The following NUP54 variants were observed in gnomAD, a reference collection of about 807,000 sequenced individuals.
NUP54 encodes nucleoporin p54.
NUP54 carries 27 observed loss-of-function variants against 66.4 expected under a neutral mutation model. The ratio of observed to expected loss-of-function variants is 0.41; its 90% CI spans 0.30 to 0.56. The LOEUF is 0.56. Ranked by LOEUF, NUP54 falls within the 20% of genes least tolerant of loss-of-function variation. The probability of loss-of-function intolerance (pLI) is 0.34; values close to 1 mark genes in which losing one functional copy is unlikely to be tolerated. For missense variants in NUP54, 486 were observed against 596.3 expected (o/e 0.82, Z 1.93); for synonymous variants, 206 against 210.7 (o/e 0.98, Z 0.19).
intron 3 of NUP54, among the ~76,000 whole-genome samples, chr4:76,140,130 T>C (rs966869773): frequency 6.6e-6 from 1 of 151,970 alleles, no homozygotes; most frequent in Non-Finnish European, 1.5e-5. Flanking sequence ...GGAGTACAGC[T>C]AGAATAATCA....
intron 6 of NUP54, 99 bp from the exon 7 acceptor site, chr4:76,131,383 C>A: frequency 3.3e-6 from 2 of 611,122 alleles, no homozygotes; most frequent in South Asian, 2.5e-5. Context: ...TACCTAGAAG[C>A]TATAATGAAA....
chr4:76,137,906 CTG>C (rs1256067330), intron 3 of NUP54, among the ~76,000 whole-genome samples: 1 of 152,278 alleles, frequency 6.6e-6, no homozygotes, highest in African/African-American at 2.4e-5. Context: ...TTTAAAATAA[CTG>C]TATTTCGTGT....
chr4:76,129,626 G>A (rs1730690941), intron 8 of NUP54, among the ~76,000 whole-genome samples: 3 of 152,150 alleles, frequency 2.0e-5, no homozygotes, highest in Admixed American at 6.5e-5. Flanking sequence ...GCACTTTCGG[G>A]AGGCCGAGAT....
chr4:76,126,707 A>T (rs1213561848), intron 8 of NUP54, among the ~76,000 whole-genome samples: 1 of 152,208 alleles, frequency 6.6e-6, no homozygotes, highest in Non-Finnish European at 1.5e-5. Context: ...TTTAAAAGGG[A>T]ATATTTTAAA....
Position 76,115,500 on chromosome 4 carries a change from A to C in NUP54, c.1396-6T>G, listed in dbSNP as rs766341696. ...TCCTGTTGTTGTTTCAAATGCTAGA[A>C]CAAATTAAGAAACAACATATTAATG... On this transcript the variant is annotated splice_polypyrimidine_tract_variant and splice_region_variant and intron_variant, in intron 11 of 11. Transcript: ENST00000264883. 2 of 1,588,812 alleles carry C rather than the reference A, an allele frequency of 1.3e-6. No individual in the cohort carries two copies. The highest frequency in any genetic ancestry group is 1.7e-6 in the Non-Finnish European group (2 of 1,171,452).
chr4:76,130,248 G>A (rs1421193063), intron 8 of NUP54, among the ~76,000 whole-genome samples: 1 of 151,918 alleles, frequency 6.6e-6, no homozygotes, highest in Non-Finnish European at 1.5e-5. Flanking sequence ...TCCTAAAAAA[G>A]TCTACTTTAT....
chr4:76,148,173 G>A, intron 1 of NUP54, 135 bp downstream of exon 1: 2 of 696,716 alleles, frequency 2.9e-6, no homozygotes, highest in Non-Finnish European at 4.2e-6. Context: ...GCCGCCGCCC[G>A]CCCTTTTCCA....
intron 9 of NUP54, among the ~76,000 whole-genome samples, chr4:76,123,508 C>CTTT (rs529829145): frequency 6.7e-6 from 1 of 149,442 alleles, no homozygotes. Flanking sequence ...GCAGCATCTT[C>CTTT]TTTTTTTTTT....
At chr4:76,119,662 GC>G (rs1016398882) in intron 9 of NUP54, among the ~76,000 whole-genome samples, 1 of 151,964 alleles carries the variant, frequency 6.6e-6, no homozygotes, top group Non-Finnish European at 1.5e-5. Flanking sequence ...ACAGGCGTGG[GC>G]CACTGTGCCA....
chr4:76,145,173 C>A (rs1731434971), intron 1 of NUP54, among the ~76,000 whole-genome samples: 2 of 151,674 alleles, frequency 1.3e-5, no homozygotes, highest in Admixed American at 1.3e-4. Context: ...AAAAAATTAG[C>A]CGGGCGTGGC....
intron 3 of NUP54, 60 bp downstream of exon 3, chr4:76,144,089 C>T (rs1731379896): frequency 2.6e-6 from 4 of 1,552,038 alleles, no homozygotes; most frequent in Non-Finnish European, 3.5e-6. Context: ...TGAATGCACT[C>T]AATAATGTCA....
chr4:76,144,973 T>G (rs1482609974), intron 1 of NUP54, among the ~76,000 whole-genome samples: 3 of 152,186 alleles, frequency 2.0e-5, no homozygotes, highest in African/African-American at 4.8e-5. Flanking sequence ...TGTCACATAT[T>G]CCCATTTTTT....
chr4:76,148,305 C>T lies in NUP54; in HGVS notation c.67+3G>A, dbSNP rs921151363. The T allele has an allele frequency of 2.0e-6, 3 of 1,495,392 alleles. No individual in the cohort carries two copies. The African/African-American group carries it at 4.2e-5, about 21-fold the overall frequency. 92.6% of individuals were successfully genotyped at this position (1,495,392 alleles called of 1,614,324 possible). Reference sequence around the variant, plus strand: ...CGGGTGAAGGTCTAGGGGGATCACTCACCCGCGGGGGCCGCGGTGGCTGCA... The same window carrying T: ...CGGGTGAAGGTCTAGGGGGATCACTTACCCGCGGGGGCCGCGGTGGCTGCA... On this transcript the variant is annotated splice_donor_region_variant and intron_variant, in intron 1 of 11. Coordinates refer to ENST00000264883, the MANE Select transcript of NUP54 (RefSeq NM_017426.4).
Position 76,115,327 on chromosome 4 carries a change from A to C in NUP54, c.*39T>G. The C allele has an allele frequency of 2.6e-6, 4 of 1,525,048 alleles. No individual in the cohort carries two copies. The highest frequency in any genetic ancestry group is 3.5e-6 in the Non-Finnish European group (4 of 1,139,628). The allele number at this position is 1,525,048 out of a possible 1,614,324, so 94.5% of individuals were successfully genotyped here. A position where few individuals can be genotyped will look rare whatever the true frequency, so the allele number is the denominator to read the frequency against. On this transcript the variant is annotated 3_prime_UTR_variant, in exon 12 of 12. Coordinates refer to ENST00000264883, the MANE Select transcript of NUP54 (RefSeq NM_017426.4). ...TTAAGGAAGGTCTGATGCAGTAAGA[A>C]GATGCATTTCACAAACCTTTACACA...
intron 8 of NUP54, among the ~76,000 whole-genome samples, chr4:76,125,198 G>A (rs1046228231): frequency 6.6e-5 from 10 of 152,078 alleles, no homozygotes; most frequent in Non-Finnish European, 5.9e-5. Flanking sequence ...GGCTGATGCA[G>A]GAGAATCACT....
chr4:76,119,849 T>C (rs1412453500), intron 9 of NUP54, among the ~76,000 whole-genome samples: 1 of 152,130 alleles, frequency 6.6e-6, no homozygotes. Flanking sequence ...ATCTTTTTCA[T>C]AAACACACAC....
intron 6 of NUP54, 39 bp from the exon 7 acceptor site, chr4:76,131,323 CT>C (rs746154230): frequency 7.6e-7 from 1 of 1,316,914 alleles, no homozygotes; most frequent in African/African-American, 1.5e-5. Flanking sequence ...AAACAATTTT[CT>C]ATTTTTATAA....
intron 9 of NUP54, among the ~76,000 whole-genome samples, chr4:76,121,947 T>G (rs2109859472): frequency 6.6e-6 from 1 of 152,358 alleles, no homozygotes; most frequent in South Asian, 2.1e-4. Context: ...ATGTTTATAT[T>G]ATTTCTTTGC....
At chr4:76,140,598 C>T (rs962310151) in intron 3 of NUP54, among the ~76,000 whole-genome samples, 4 of 152,030 alleles carry the variant, frequency 2.6e-5, no homozygotes, top group Admixed American at 2.6e-4. Context: ...TTGGAAGTAG[C>T]AGTCAAGGCC....
Sources: allele counts gnomAD v4.1 joint callset (sites outside exome capture counted in the v4.1 genomes callset), GRCh38; gene constraint gnomAD v4.1.1; transcripts MANE v1.5; gene names NCBI Gene and HGNC (gene_info 2026-07-23, HGNC 2026-07-21).